The following KCNT2 variants were observed in gnomAD, a reference collection of about 807,000 sequenced individuals.
KCNT2 encodes the protein potassium channel subfamily T member 2.
KCNT2 carries 67 observed loss-of-function variants against 153.8 expected under a neutral mutation model. The observed-to-expected ratio is 0.44, with a 90% CI of 0.36 to 0.53. KCNT2 has a LOEUF of 0.53. Ranked by LOEUF, KCNT2 falls within the 20% of genes least tolerant of loss-of-function variation. The probability of loss-of-function intolerance (pLI) is 0.00; values close to 1 mark genes in which losing one functional copy is unlikely to be tolerated. For synonymous variants in KCNT2, 500 were observed against 458.8 expected (o/e 1.09, Z -1.15); for missense variants, 975 against 1,354.8 (o/e 0.72, Z 4.40).
At chr1:196,575,976 T>TA (rs67161739) in intron 1 of KCNT2, among the ~76,000 whole-genome samples, 16,695 of 130,266 alleles carry the variant, frequency 0.13, 3,405 homozygotes, top group African/African-American at 0.43. Context: ...AGACCCTGTC[T>TA]AAAAAAAAAA....
intron 1 of KCNT2, among the ~76,000 whole-genome samples, chr1:196,587,424 A>G (rs1186871513): frequency 6.6e-6 from 1 of 152,048 alleles, no homozygotes; most frequent in Non-Finnish European, 1.5e-5. Context: ...TATACCCTCA[A>G]CAGCTCTAAT....
intron 26 of KCNT2, among the ~76,000 whole-genome samples, chr1:196,245,768 T>G (rs1655384003): frequency 6.6e-6 from 1 of 152,142 alleles, no homozygotes; most frequent in African/African-American, 2.4e-5. Flanking sequence ...TTAGTGAGCT[T>G]GAAAACTGGC....
intron 22 of KCNT2, among the ~76,000 whole-genome samples, chr1:196,301,298 TGTGTACCCCATTGCATG>T (rs1661162988): frequency 2.0e-5 from 3 of 152,154 alleles, no homozygotes; most frequent in African/African-American, 7.2e-5. Flanking sequence ...TATATAACCA[TGTGTACCCCATTGCATG>T]GTGGGGCAAT....
intron 8 of KCNT2, among the ~76,000 whole-genome samples, chr1:196,454,406 T>A (rs531519853): frequency 1.7e-4 from 26 of 151,974 alleles, no homozygotes; most frequent in African/African-American, 6.3e-4. Flanking sequence ...CCCCAGTGCT[T>A]ATTGTTGTCA....
chr1:196,543,772 G>A (rs546330713), intron 1 of KCNT2, among the ~76,000 whole-genome samples: 1 of 152,146 alleles, frequency 6.6e-6, no homozygotes, highest in Admixed American at 6.6e-5. Flanking sequence ...TAGAAAACCT[G>A]GATCCCTTAT....
chr1:196,256,709 AATATAT>A (rs144323772), intron 26 of KCNT2, among the ~76,000 whole-genome samples: 15 of 144,174 alleles, frequency 1.0e-4, no homozygotes, highest in South Asian at 6.5e-4. Context: ...TTATCATGGA[AATATAT>A]ATATATATAT....
intron 22 of KCNT2, among the ~76,000 whole-genome samples, chr1:196,299,610 G>A (rs1445058114): frequency 6.6e-6 from 1 of 152,042 alleles, no homozygotes; most frequent in African/African-American, 2.4e-5. Flanking sequence ...ACAAATGCTA[G>A]CAAGGATGCA....
intron 1 of KCNT2, among the ~76,000 whole-genome samples, chr1:196,568,605 A>G (rs1660397390): frequency 1.3e-5 from 2 of 151,142 alleles, no homozygotes; most frequent in South Asian, 4.2e-4. Flanking sequence ...CAAAAAAAAA[A>G]AAAAAGAAAA....
intron 14 of KCNT2, among the ~76,000 whole-genome samples, chr1:196,372,806 G>T (rs768467365): frequency 4.6e-5 from 7 of 151,682 alleles, no homozygotes; most frequent in Non-Finnish European, 8.9e-5. Context: ...TTAATTAAAT[G>T]TTTCATTTGC....
chr1:196,348,040 G>T (rs1392303667), intron 14 of KCNT2, among the ~76,000 whole-genome samples: 1 of 152,102 alleles, frequency 6.6e-6, no homozygotes. Flanking sequence ...CAGAGGAAGA[G>T]CTTAATATAT....
chr1:196,437,512 T>G (rs1674833355), intron 8 of KCNT2, among the ~76,000 whole-genome samples: 1 of 148,600 alleles, frequency 6.7e-6, no homozygotes, highest in African/African-American at 2.4e-5. Flanking sequence ...AATTAAAAAT[T>G]TTTTTGCTAT....
chr1:196,348,966 G>C (rs1202337001), intron 14 of KCNT2, among the ~76,000 whole-genome samples: 1 of 151,914 alleles, frequency 6.6e-6, no homozygotes, highest in Non-Finnish European at 1.5e-5. Flanking sequence ...AGAAGAGAAA[G>C]AAAGAATCCC....
chr1:196,550,216 C>T (rs965390973), intron 1 of KCNT2, among the ~76,000 whole-genome samples: 3 of 151,812 alleles, frequency 2.0e-5, no homozygotes, highest in African/African-American at 7.3e-5. Flanking sequence ...AAAAGTATTG[C>T]TCAAATAGAC....
In KCNT2 at chr1:196,555,915, TCTA is replaced by T. The variant is rs1275591608; in HGVS notation, c.95+52297_95+52299del. On this transcript the variant is annotated intron_variant, in intron 1 of 27. Transcript: ENST00000294725. ...ATTCATTGGGGAAAGGACAGTCTCT[TCTA>T]TAAATAGTGCTGGGAAAACTGGATA... Among the ~76,000 whole-genome samples, 14 of 151,622 alleles carry T rather than the reference TCTA, an allele frequency of 9.2e-5. No homozygotes were observed. The East Asian group carries it at 2.7e-3, about 29-fold the overall frequency.
At chr1:196,451,790 G>A (rs1557952698) in intron 8 of KCNT2, among the ~76,000 whole-genome samples, 1 of 151,662 alleles carries the variant, frequency 6.6e-6, no homozygotes, top group African/African-American at 2.4e-5. Flanking sequence ...TGTGTTTACT[G>A]TTTTTTCTTT....
In KCNT2 at chr1:196,511,528, CTT is replaced by C. The variant is rs1558026020; in HGVS notation, c.96-19189_96-19188del. 2.6e-5 allele frequency among the ~76,000 whole-genome samples: 4 copies of C among 152,122 alleles called. 1 individual carries two copies. The highest frequency in any genetic ancestry group is 1.3e-4 in the Admixed American group (2 of 15,258). ...GGGGAGACAGAGAGACATAATGAGA[CTT>C]ATAATTAGTTTGCTAGGGCTGCTAT... On this transcript the variant is annotated intron_variant, in intron 1 of 27. Coordinates refer to ENST00000294725, the MANE Select transcript of KCNT2 (RefSeq NM_198503.5).
At chr1:196,268,390 A>G (rs1374868246) in intron 25 of KCNT2, among the ~76,000 whole-genome samples, 1 of 152,200 alleles carries the variant, frequency 6.6e-6, no homozygotes, top group African/African-American at 2.4e-5. Flanking sequence ...ATTGAAAGTG[A>G]CCAAGACATG....
chr1:196,494,845 A>G (rs1027492256), intron 1 of KCNT2, among the ~76,000 whole-genome samples: 7 of 152,314 alleles, frequency 4.6e-5, no homozygotes, highest in African/African-American at 1.7e-4. Context: ...TCTCTATTAA[A>G]TAGAATATTA....
At chr1:196,455,744 C>T (rs1557958045) in intron 8 of KCNT2, among the ~76,000 whole-genome samples, 1 of 151,730 alleles carries the variant, frequency 6.6e-6, no homozygotes, top group African/African-American at 2.4e-5. Context: ...CTTTTATCTG[C>T]TTGTTGAGCA....
Sources: allele counts gnomAD v4.1 joint callset (sites outside exome capture counted in the v4.1 genomes callset), GRCh38; gene constraint gnomAD v4.1.1; transcripts MANE v1.5; gene names NCBI Gene and HGNC (gene_info 2026-07-23, HGNC 2026-07-21).